ZDHHC11: variants seen among roughly 807,000 people sequenced by gnomAD.
ZDHHC11 encodes zDHHC palmitoyltransferase 11.
Under a neutral mutation model 51.3 loss-of-function variants are expected in ZDHHC11, and 44 were observed. The observed-to-expected ratio is 0.86, with a 90% CI of 0.67 to 1.10. The LOEUF (loss-of-function observed/expected upper bound fraction) is 1.10. Among genes scored for constraint, ZDHHC11 ranks in the 50% least tolerant of loss-of-function variants. The probability of loss-of-function intolerance (pLI) is 0.00; values close to 1 mark genes in which losing one functional copy is unlikely to be tolerated. For synonymous variants in ZDHHC11, 163 were observed against 222.0 expected (o/e 0.73, Z 2.36); for missense variants, 400 against 537.7 (o/e 0.74, Z 2.53).
intron 4 of ZDHHC11, chr5:843,193 C>T (rs1367279487): frequency 2.1e-5 from 8 of 373,504 alleles, no homozygotes; most frequent in Non-Finnish European, 4.1e-5. Context: ...CCAGCACCCT[C>T]AGCGCTGCCT....
intron 12 of ZDHHC11, among the ~76,000 whole-genome samples, chr5:798,772 A>G (rs1283902552): frequency 6.9e-6 from 1 of 144,942 alleles, no homozygotes; most frequent in Non-Finnish European, 1.5e-5. Flanking sequence ...TTTGCTGTTT[A>G]AAACCTTAGT....
At chr5:851,562 G>A (rs953469529), upstream of ZDHHC11, among the ~76,000 whole-genome samples, 1 of 152,220 alleles carries the variant, frequency 6.6e-6, no homozygotes, top group African/African-American at 2.4e-5. Context: ...TGAGAAGAGA[G>A]ACATTGAGAA....
At position 819,415 on chromosome 5, in the gene ZDHHC11, C is replaced by G. The variant is rs1232184733; in HGVS notation, c.1146+110G>C. 2.5e-5 allele frequency: 29 copies of G among 1,172,900 alleles called. 1 individual carries two copies. The East Asian group carries it at 4.3e-4, about 17-fold the overall frequency. 72.7% of individuals were successfully genotyped at this position (1,172,900 alleles called of 1,614,324 possible). ...CCCATGTGAGCAGCACCCTTGGACACAGAGTGCTTCCCTTTTGAATACTAC... is the reference window on the plus strand; with the variant it reads ...CCCATGTGAGCAGCACCCTTGGACAGAGAGTGCTTCCCTTTTGAATACTAC... On this transcript the variant is annotated intron_variant, in intron 10 of 12. Transcript: ENST00000283441.
At position 821,721 on chromosome 5, in the gene ZDHHC11, C is replaced by T. The variant is rs73730958; in HGVS notation, c.1058+140G>A. ...ACAGGTGACAGTTTTGCTGCTCTCT[C>T]GAAAGTGCCACCTCCTGGCACTTCA... On this transcript the variant is annotated intron_variant, in intron 9 of 12. Coordinates refer to ENST00000283441, the MANE Select transcript of ZDHHC11 (RefSeq NM_024786.3). 6,310 of 814,812 alleles carry T rather than the reference C, an allele frequency of 7.7e-3. 303 individuals are homozygous for T. In the African/African-American group the frequency reaches 0.078, roughly 10 times the overall value. 50.5% of individuals were successfully genotyped at this position (814,812 alleles called of 1,614,324 possible). A position where few individuals can be genotyped will look rare whatever the true frequency, so the allele number is the denominator to read the frequency against.
intron 3 of ZDHHC11, among the ~76,000 whole-genome samples, chr5:844,227 C>G (rs1231612499): frequency 6.6e-6 from 1 of 152,406 alleles, no homozygotes; most frequent in African/African-American, 2.4e-5. Context: ...AGGCCTCTCG[C>G]TGGAGAGGGG....
chr5:837,792 T>C (rs1195403413), intron 5 of ZDHHC11, among the ~76,000 whole-genome samples: 1 of 151,904 alleles, frequency 6.6e-6, no homozygotes, highest in Non-Finnish European at 1.5e-5. Flanking sequence ...ATGAGCTGTC[T>C]CTCACAGACC....
rs201289980 is a variant in ZDHHC11 at position 835,454 on chromosome 5, GTCTC to G, written c.901-1651_901-1648del. Among the ~76,000 whole-genome samples, 27 of 151,566 alleles carry G rather than the reference GTCTC, an allele frequency of 1.8e-4. 1 individual carries two copies. Among genetic ancestry groups the G allele is most frequent in the African/African-American group, 4.1e-4 (17 of 41,302 alleles). ...ACTGTTTTTATTACTGTAGCTTTAT[GTCTC>G]TCTCTCTGTCAGCGCCACCTGTCTT... On this transcript the variant is annotated intron_variant, in intron 6 of 12. Coordinates refer to ENST00000283441, the MANE Select transcript of ZDHHC11 (RefSeq NM_024786.3).
At chr5:856,735 C>A (rs544519876) in intron 1 of ZDHHC11, among the ~76,000 whole-genome samples, 102 of 151,434 alleles carry the variant, frequency 6.7e-4, no homozygotes, top group African/African-American at 2.4e-3. Flanking sequence ...CCACACAATA[C>A]ACACAATACA....
chr5:797,298 C>T (rs1165520607), intron 12 of ZDHHC11, among the ~76,000 whole-genome samples: 2 of 151,482 alleles, frequency 1.3e-5, no homozygotes, highest in Non-Finnish European at 2.9e-5. Flanking sequence ...TTTATTTCCC[C>T]TTCTTGGATT....
At chr5:815,671 A>G (rs2150320394) in intron 10 of ZDHHC11, among the ~76,000 whole-genome samples, 1 of 151,576 alleles carries the variant, frequency 6.6e-6, no homozygotes, top group Middle Eastern at 3.4e-3. Flanking sequence ...TCAGCATCAG[A>G]AGCTTTGCCA....
chr5:823,652 C>T (rs1442154873), intron 8 of ZDHHC11: 1 of 170,410 alleles, frequency 5.9e-6, no homozygotes, highest in African/African-American at 2.3e-5. Flanking sequence ...ACGACGGTGT[C>T]ACTTTCATAG....
chr5:858,748 C>T (rs1173947550), intron 1 of ZDHHC11, among the ~76,000 whole-genome samples: 1 of 152,060 alleles, frequency 6.6e-6, no homozygotes, highest in East Asian at 1.9e-4. Flanking sequence ...CCTCATAAGA[C>T]AAATCCTCAC....
At chr5:803,674 T>A (rs1415888592) in intron 11 of ZDHHC11, among the ~76,000 whole-genome samples, 2 of 151,060 alleles carry the variant, frequency 1.3e-5, no homozygotes, top group African/African-American at 2.4e-5. Flanking sequence ...GTTCAGACAT[T>A]TGAACTACTA....
At chr5:806,910 T>C (rs1303015205) in intron 11 of ZDHHC11, among the ~76,000 whole-genome samples, 2 of 151,138 alleles carry the variant, frequency 1.3e-5, no homozygotes, top group Non-Finnish European at 3.0e-5. Flanking sequence ...GAGTGTAACA[T>C]GTGCAACACC....
chr5:851,502 C>G (rs1203087003), upstream of ZDHHC11, among the ~76,000 whole-genome samples: 2 of 152,182 alleles, frequency 1.3e-5, no homozygotes, highest in Non-Finnish European at 2.9e-5. Flanking sequence ...CTTGTTGTCT[C>G]TTTGGGAAAA....
intron 4 of ZDHHC11, chr5:842,805 A>T (rs1227342159): frequency 1.5e-6 from 1 of 683,442 alleles, no homozygotes; most frequent in African/African-American, 1.9e-5. Context: ...GGGTCCAGGG[A>T]GGTCTTCCCA....
rs138525953 is a variant in ZDHHC11, at chr5:825,099, C to T, written c.1023+65G>A. On this transcript the variant is annotated intron_variant, in intron 8 of 12. Transcript: ENST00000283441. ...ACTGCCTTAACCTCAGCTTGGGGGA[C>T]CCGAGACCACATATTCTGCACACGG... 1,254 of 1,514,420 alleles carry T rather than the reference C, an allele frequency of 8.3e-4. 18 individuals carry two copies. The African/African-American group carries it at 0.016, about 19-fold the overall frequency. 93.8% of individuals were successfully genotyped at this position (1,514,420 alleles called of 1,614,324 possible). A position where few individuals can be genotyped will look rare whatever the true frequency, so the allele number is the denominator to read the frequency against.
At position 825,158 on chromosome 5, in the gene ZDHHC11, A is replaced by G. The variant is rs1742157300; in HGVS notation, c.1023+6T>C. The G allele has an allele frequency of 6.2e-7, 1 of 1,610,512 alleles. No individual in the cohort carries two copies. The highest frequency in any genetic ancestry group is 1.3e-5 in the African/African-American group (1 of 74,868). ...TCGGGGTGCATCGCTGGTGACTGCA[A>G]CTTACCCGTGCCGTCGAATCCCCAT... On this transcript the variant is annotated splice_donor_region_variant and intron_variant, in intron 8 of 12. Coordinates refer to ENST00000283441, the MANE Select transcript of ZDHHC11 (RefSeq NM_024786.3).
intron 7 of ZDHHC11, among the ~76,000 whole-genome samples, chr5:829,600 T>C (rs1377462360): frequency 1.3e-5 from 2 of 151,354 alleles, no homozygotes; most frequent in African/African-American, 4.9e-5. Flanking sequence ...TGGAAACTAT[T>C]ACAAAAGATA....
Sources: allele counts gnomAD v4.1 joint callset (sites outside exome capture counted in the v4.1 genomes callset), GRCh38; gene constraint gnomAD v4.1.1; transcripts MANE v1.5; gene names NCBI Gene and HGNC (gene_info 2026-07-23, HGNC 2026-07-21).